Variants in TAS1R2 observed in about 807,000 individuals in gnomAD.
TAS1R2 encodes the protein taste 1 receptor member 2.
A neutral mutation model predicts 49.3 loss-of-function variants in TAS1R2; 47 were observed. The ratio of observed to expected loss-of-function variants is 0.95; its 90% CI spans 0.75 to 1.22. TAS1R2 has a LOEUF of 1.22. TAS1R2 is among the 50% of genes most tolerant of loss of function. TAS1R2 has a pLI of 0.00. For synonymous variants in TAS1R2, 479 were observed against 467.9 expected (o/e 1.02, Z -0.31); for missense variants, 1,155 against 1,122.1 (o/e 1.03, Z -0.42).
rs775910263 is a variant in TAS1R2, at chr1:18,859,495, C to A, written c.166G>T (p.Val56Leu). The A allele has an allele frequency of 1.9e-6, 3 of 1,614,092 alleles. 1 individual carries two copies. Among genetic ancestry groups the A allele is most frequent in the African/African-American group, 2.7e-5 (2 of 75,042 alleles). ...GAGACTCACTCCTTGCACATGGGCA[C>A]CTGCAGGAAGTTAAGGTGAACAATG... Residue 56 changes from valine to leucine, a missense_variant, in exon 1 of 6, where the codon GTG becomes TTG. Coordinates refer to ENST00000375371, the Ensembl canonical transcript of TAS1R2.
At chr1:18,840,205 G>A (rs769005664) in exon 6 of TAS1R2, 4 of 1,614,212 alleles carry the variant, frequency 2.5e-6, no homozygotes, top group East Asian at 4.5e-5. Context: ...TGAAGCAGAG[G>A]GGAAAGAGGG....
chr1:18,855,212 G>A (rs764565439), intron 2 of TAS1R2, among the ~76,000 whole-genome samples: 7 of 152,012 alleles, frequency 4.6e-5, no homozygotes, highest in East Asian at 1.9e-4. Context: ...GTCTTATCAC[G>A]ATTATTGAGC....
Position 18,840,650 on chromosome 1 carries a change from C to A in TAS1R2, c.1592-123G>T, listed in dbSNP as rs1338698233. On this transcript the variant is annotated intron_variant, in intron 5 of 5. Transcript: ENST00000375371. ...GAGCACCAAGGGCAACCCTTGCATT[C>A]ACAGCCAGTACTCCTCAAGTCTCAT... 6 of 943,900 alleles carry A rather than the reference C, an allele frequency of 6.4e-6. No homozygotes were observed. The African/African-American group carries it at 9.8e-5, about 15-fold the overall frequency. The allele number at this position is 943,900 out of a possible 1,614,324, so 58.5% of individuals were successfully genotyped here. A position where few individuals can be genotyped will look rare whatever the true frequency, so the allele number is the denominator to read the frequency against.
In TAS1R2 at chr1:18,859,518, A is replaced by C. The variant is rs986202757; in HGVS notation, c.143T>G (p.Ile48Ser). The C allele has an allele frequency of 3.4e-5, 55 of 1,614,072 alleles. No homozygotes were observed. Among genetic ancestry groups the C allele is most frequent in the Non-Finnish European group, 4.7e-5 (55 of 1,180,024 alleles). The change falls in exon 1 of 6, where the codon ATT becomes AGT. Residue 48 changes from isoleucine to serine, a missense_variant. Ile to Ser is a moderately radical substitution (Grantham distance 142). Coordinates refer to ENST00000375371, the Ensembl canonical transcript of TAS1R2. ...CACCTGCAGGAAGTTAAGGTGAACA[A>C]TGCCCTTCATGTTGGCATGGAGGGA... is the stretch of plus-strand genomic sequence containing the variant.
chr1:18,847,619 CA>C (rs1214749778), intron 4 of TAS1R2, among the ~76,000 whole-genome samples: 21 of 152,282 alleles, frequency 1.4e-4, no homozygotes, highest in African/African-American at 4.8e-4. Context: ...CTCCACAAGG[CA>C]GGTCTCTATC....
intron 4 of TAS1R2, among the ~76,000 whole-genome samples, chr1:18,847,813 CA>C (rs1173397746): frequency 1.3e-5 from 2 of 152,188 alleles, no homozygotes; most frequent in Non-Finnish European, 2.9e-5. Context: ...CAAGACTGGA[CA>C]ATTTACAAAA....
Position 18,854,464 on chromosome 1 carries a change from T to TGAAGC in TAS1R2, c.1001_1005dup (p.Ser336AlafsTer34). The TGAAGC allele has an allele frequency of 3.7e-6, 6 of 1,614,142 alleles. No homozygotes were observed. The highest frequency in any genetic ancestry group is 5.1e-6 in the Non-Finnish European group (6 of 1,180,014). On this transcript the variant is annotated frameshift_variant, in exon 3 of 6. Coordinates refer to ENST00000375371, the Ensembl canonical transcript of TAS1R2. LOFTEE classifies it high-confidence loss of function. The surrounding 1 kb of genome is among the most constrained non-coding windows in gnomAD (Gnocchi z 4.9). ...TGTGGGCCCCACTCGCGGAACTCAC[T>TGAAGC]GAAGCCCGGGATGGGCACGCTCTGG...
chr1:18,841,732 C>T (rs1933828764), exon 5 of TAS1R2: 1 of 1,613,384 alleles, frequency 6.2e-7, no homozygotes, highest in Non-Finnish European at 8.5e-7. Context: ...ATCATACCTT[C>T]AGTGTGGTTG....
At chr1:18,844,584 T>C (rs1311797639) in intron 4 of TAS1R2, among the ~76,000 whole-genome samples, 1 of 152,118 alleles carries the variant, frequency 6.6e-6, no homozygotes, top group Non-Finnish European at 1.5e-5. Flanking sequence ...CGAAATGCTG[T>C]CTCTACTAAA....
At chr1:18,859,354 G>T in intron 1 of TAS1R2, 125 bp downstream of exon 1, 4 of 1,168,182 alleles carry the variant, frequency 3.4e-6, no homozygotes, top group Non-Finnish European at 3.7e-6. Flanking sequence ...TAAGGGGGTT[G>T]GCAATGAATG....
chr1:18,848,148 G>A (rs1038486062), intron 4 of TAS1R2, among the ~76,000 whole-genome samples: 1 of 152,140 alleles, frequency 6.6e-6, no homozygotes, highest in African/African-American at 2.4e-5. Context: ...CCTGAATGCT[G>A]TATATAGAGA....
intron 3 of TAS1R2, among the ~76,000 whole-genome samples, chr1:18,853,837 G>A (rs1222236225): frequency 6.6e-6 from 1 of 152,154 alleles, no homozygotes; most frequent in Non-Finnish European, 1.5e-5. Flanking sequence ...GTCTATGTCT[G>A]AACCAGGGTG....
At chr1:18,840,375 C>G in exon 6 of TAS1R2, 1 of 1,614,134 alleles carries the variant, frequency 6.2e-7, no homozygotes, top group Non-Finnish European at 8.5e-7. Context: ...ACCAGGATGG[C>G]CAGGGTGCTG....
At chr1:18,852,656 G>A (rs1218563199) in intron 3 of TAS1R2, among the ~76,000 whole-genome samples, 6 of 152,128 alleles carry the variant, frequency 3.9e-5, no homozygotes, top group African/African-American at 1.4e-4. Context: ...GGCACTAGAT[G>A]CCCTCCAGTA....
intron 3 of TAS1R2, among the ~76,000 whole-genome samples, chr1:18,852,976 T>C (rs1158609327): frequency 6.6e-6 from 1 of 152,244 alleles, no homozygotes; most frequent in African/African-American, 2.4e-5. Context: ...GTTGCTATGA[T>C]TGGTGCCCTT....
In TAS1R2 at chr1:18,855,647, C is replaced by A. The variant is rs186946364; in HGVS notation, c.484-661G>T. Among the ~76,000 whole-genome samples, 36 of 152,298 alleles carry A rather than the reference C, an allele frequency of 2.4e-4. 3 individuals carry two copies. The East Asian group carries it at 6.8e-3, about 29-fold the overall frequency. ...CACGTCAACAACTCCCAGTGGATAG[C>A]CCTGGCCGGGACTTCTCTCCTGAAC... is the stretch of plus-strand genomic sequence containing the variant. On this transcript the variant is annotated intron_variant, in intron 2 of 5. Transcript: ENST00000375371.
At chr1:18,858,430 C>G (rs529176358) in intron 1 of TAS1R2, 1 of 152,594 alleles carries the variant, frequency 6.6e-6, no homozygotes, top group Non-Finnish European at 1.5e-5. Context: ...ACCACCAACA[C>G]CATCATCACT....
chr1:18,859,140 TG>T (rs1934195308), intron 1 of TAS1R2, among the ~76,000 whole-genome samples: 1 of 152,182 alleles, frequency 6.6e-6, no homozygotes, highest in Non-Finnish European at 1.5e-5. Context: ...ATGGACCCAT[TG>T]GGAGTCCCCC....
chr1:18,858,333 A>G (rs1385628229), intron 1 of TAS1R2: 1 of 152,624 alleles, frequency 6.6e-6, no homozygotes, highest in African/African-American at 2.4e-5. Flanking sequence ...CAACACCATC[A>G]CTAACACCAT....
Sources: allele counts gnomAD v4.1 joint callset (sites outside exome capture counted in the v4.1 genomes callset), GRCh38; gene constraint gnomAD v4.1.1; non-coding constraint Gnocchi (gnomAD v3.1); transcripts MANE v1.5; gene names NCBI Gene and HGNC (gene_info 2026-07-23, HGNC 2026-07-21).